The following SLC35B3 variants were observed in gnomAD, a reference collection of about 807,000 sequenced individuals.
SLC35B3 encodes solute carrier family 35 member B3.
Under a neutral mutation model 44.1 loss-of-function variants are expected in SLC35B3, and 35 were observed. That is an observed-to-expected ratio of 0.79 (90% CI 0.61 to 1.05). SLC35B3 has a LOEUF of 1.05. SLC35B3 is among the 50% of genes least tolerant of loss of function. SLC35B3 has a pLI of 0.00. For missense variants in SLC35B3, 414 were observed against 476.4 expected, an observed-to-expected ratio of 0.87 and a Z score of 1.22; for synonymous variants, 146 against 167.3, an observed-to-expected ratio of 0.87 and a Z score of 0.98.
At chr6:8,423,367 C>G (rs944601635) in intron 4 of SLC35B3, among the ~76,000 whole-genome samples, 1 of 151,858 alleles carries the variant, frequency 6.6e-6, no homozygotes, top group African/African-American at 2.4e-5. Context: ...TAGATCATCT[C>G]TCTATATTCT....
chr6:8,421,773 C>T (rs921669523), intron 5 of SLC35B3, among the ~76,000 whole-genome samples: 3 of 152,128 alleles, frequency 2.0e-5, no homozygotes, highest in African/African-American at 7.2e-5. Flanking sequence ...ATGAGAACTG[C>T]CCATGCACAA....
intron 2 of SLC35B3, among the ~76,000 whole-genome samples, chr6:8,431,654 G>T (rs1288294678): frequency 6.6e-6 from 1 of 152,130 alleles, no homozygotes; most frequent in South Asian, 2.1e-4. Context: ...ACTGTCATTT[G>T]TAAGACTTTT....
chr6:8,426,963 T>C (rs760313596), intron 4 of SLC35B3, among the ~76,000 whole-genome samples: 6 of 152,166 alleles, frequency 3.9e-5, no homozygotes, highest in Admixed American at 6.5e-5. Context: ...GTGACTCTTG[T>C]TATGTTTTAG....
chr6:8,422,891 T>C (rs376372515), intron 4 of SLC35B3, among the ~76,000 whole-genome samples: 5 of 149,268 alleles, frequency 3.3e-5, no homozygotes, highest in African/African-American at 1.3e-4. Flanking sequence ...ACTGAAGGTA[T>C]AAATGTTGAC....
chr6:8,435,139 CGAG>C lies in SLC35B3; in HGVS notation c.-44+201_-44+203del, dbSNP rs1188766686. 1 of 1,275,576 alleles carries C rather than the reference CGAG, an allele frequency of 7.8e-7. No homozygotes were observed. Among genetic ancestry groups the C allele is most frequent in the African/African-American group, 1.5e-5 (1 of 65,346 alleles). 79.0% of individuals were successfully genotyped at this position (1,275,576 alleles called of 1,614,324 possible). On this transcript the variant is annotated intron_variant, in intron 1 of 10. Coordinates refer to ENST00000644923, the MANE Select transcript of SLC35B3 (RefSeq NM_001370476.2). The surrounding 1 kb of genome is among the most constrained non-coding windows in gnomAD (Gnocchi z 5.5). ...CGCCAGCCCGAGGGCGAAAAACGGG[CGAG>C]GAGGAACAGATGCTCCTCCCTGGAA...
intron 7 of SLC35B3, among the ~76,000 whole-genome samples, chr6:8,417,971 C>T (rs1381159935): frequency 1.3e-5 from 2 of 152,234 alleles, no homozygotes; most frequent in East Asian, 1.9e-4. Context: ...TTTTCATAAA[C>T]AGAATCAGCA....
chr6:8,435,451 C>T lies in SLC35B3; in HGVS notation c.-152G>A, dbSNP rs938750665. Reference sequence around the variant, plus strand: ...CCGTCGCCATCACCTCCTCTTCCTCCTCCTCCTCGCCCACTCCTGCACTTT... The same window carrying T: ...CCGTCGCCATCACCTCCTCTTCCTCTTCCTCCTCGCCCACTCCTGCACTTT... On this transcript the variant is annotated 5_prime_UTR_variant, in exon 1 of 11. Transcript: ENST00000644923. This position sits in a 1 kb window ranked among gnomAD's most constrained non-coding sequence, Gnocchi z 5.5. 1 of 1,203,138 alleles carries T rather than the reference C, an allele frequency of 8.3e-7. No homozygotes were observed. The highest frequency in any genetic ancestry group is 1.3e-5 in the South Asian group (1 of 79,040). The allele number at this position is 1,203,138 out of a possible 1,614,324, so 74.5% of individuals were successfully genotyped here.
intron 4 of SLC35B3, among the ~76,000 whole-genome samples, chr6:8,425,599 A>G (rs902551747): frequency 2.0e-5 from 3 of 152,082 alleles, no homozygotes; most frequent in African/African-American, 7.2e-5. Context: ...GCAAAATTAG[A>G]CCCATGAAGA....
rs1762105898 is a variant in SLC35B3, at chr6:8,412,942, G to A, written c.*607C>T. The A allele has an allele frequency of 6.6e-6, 1 of 152,112 alleles. No homozygotes were observed. The highest frequency in any genetic ancestry group is 1.5e-5 in the Non-Finnish European group (1 of 68,028). 9.4% of individuals were successfully genotyped at this position (152,112 alleles called of 1,614,324 possible). On this transcript the variant is annotated 3_prime_UTR_variant, in exon 11 of 11. Coordinates refer to ENST00000644923, the MANE Select transcript of SLC35B3 (RefSeq NM_001370476.2). ...ACGGACTGGTACCAGTCCACGGCCT[G>A]GGTGGTTGGGAGCTCCTGCTCTAAA... is the stretch of plus-strand genomic sequence containing the variant.
rs904399051 is a variant in SLC35B3 at position 8,424,222 on chromosome 6, T to C, written c.420-1598A>G. 5.9e-5 allele frequency among the ~76,000 whole-genome samples: 9 copies of C among 152,356 alleles called. 1 individual carries two copies. In the South Asian group the frequency reaches 1.9e-3, roughly 32 times the overall value. Reference sequence around the variant, plus strand: ...TACTCACTATTTCTATTTTATTTAATACATCAATTGCTTGCTTCCTTAGAA... The same window carrying C: ...TACTCACTATTTCTATTTTATTTAACACATCAATTGCTTGCTTCCTTAGAA... On this transcript the variant is annotated intron_variant, in intron 4 of 10. Transcript: ENST00000644923.
intron 3 of SLC35B3, among the ~76,000 whole-genome samples, chr6:8,429,222 GC>G (rs1358544030): frequency 2.0e-5 from 3 of 152,082 alleles, no homozygotes; most frequent in African/African-American, 7.2e-5. Flanking sequence ...CACCCATCCA[GC>G]CCATGTCTTT....
rs141131538 is a variant in SLC35B3, at chr6:8,427,261, A to T, written c.419+676T>A. 3.0e-3 allele frequency among the ~76,000 whole-genome samples: 460 copies of T among 152,246 alleles called. 1 individual carries two copies. The highest frequency in any genetic ancestry group is 0.01 in the African/African-American group (420 of 41,544). ...TGTTAATCCCCAAGACAATGGGGAA[A>T]ATGTCTCTAGAGCATGTCATGGGTC... On this transcript the variant is annotated intron_variant, in intron 4 of 10. Transcript: ENST00000644923.
In SLC35B3 at chr6:8,412,046, C is replaced by A. The variant is rs1025595443; in HGVS notation, c.*1503G>T. Among the ~76,000 whole-genome samples the A allele has an allele frequency of 1.3e-5, 2 of 151,992 alleles. No individual in the cohort carries two copies. The highest frequency in any genetic ancestry group is 4.8e-5 in the African/African-American group (2 of 41,390). ...AAAGTGATTGTATTAAGTGGTGGGG[C>A]CTTTTGGGAGGTGATAAGGTCATGA... On this transcript the variant is annotated 3_prime_UTR_variant, in exon 11 of 11. Transcript: ENST00000644923.
At chr6:8,421,068 A>C (rs1287157055) in intron 5 of SLC35B3, among the ~76,000 whole-genome samples, 1 of 152,206 alleles carries the variant, frequency 6.6e-6, no homozygotes, top group Admixed American at 6.5e-5. Flanking sequence ...TGACACTAAA[A>C]TACATACTTT....
rs542401192 is a variant in SLC35B3, at chr6:8,435,122, C to A, written c.-44+221G>T. 6 of 1,263,900 alleles carry A rather than the reference C, an allele frequency of 4.7e-6. No homozygotes were observed. The highest frequency in any genetic ancestry group is 6.1e-6 in the Non-Finnish European group (6 of 976,394). 78.3% of individuals were successfully genotyped at this position (1,263,900 alleles called of 1,614,324 possible). On this transcript the variant is annotated intron_variant, in intron 1 of 10. Transcript: ENST00000644923. This position sits in a 1 kb window ranked among gnomAD's most constrained non-coding sequence, Gnocchi z 5.5. ...GGACCTGAGGGAGTTCTCGCCAGCC[C>A]GAGGGCGAAAAACGGGCGAGGAGGA... is the stretch of plus-strand genomic sequence containing the variant.
intron 4 of SLC35B3, among the ~76,000 whole-genome samples, chr6:8,424,806 TG>T (rs1395706205): frequency 6.6e-6 from 1 of 152,168 alleles, no homozygotes; most frequent in Non-Finnish European, 1.5e-5. Flanking sequence ...AAGACCCAAG[TG>T]CCAAGACCCA....
At chr6:8,429,515 C>T (rs1050240325) in intron 3 of SLC35B3, among the ~76,000 whole-genome samples, 1 of 152,036 alleles carries the variant, frequency 6.6e-6, no homozygotes, top group African/African-American at 2.4e-5. Flanking sequence ...TATTGAGCTC[C>T]AAGAATCAAG....
chr6:8,414,875 CTG>C (rs771491821), intron 10 of SLC35B3, 31 bp downstream of exon 9: 6 of 1,324,388 alleles, frequency 4.5e-6, no homozygotes, highest in South Asian at 4.3e-5. Context: ...TATCTAAAAA[CTG>C]AGAAAAATTG....
intron 7 of SLC35B3, 131 bp from the exon 7 acceptor site, chr6:8,417,625 G>A (rs1049765021): frequency 3.8e-6 from 2 of 530,358 alleles, no homozygotes; most frequent in South Asian, 6.3e-5. Flanking sequence ...ATTTCAATAT[G>A]GCCTAAATTT....
Sources: gnomAD v4.1 joint callset for allele counts (sites outside exome capture counted in the v4.1 genomes callset) on GRCh38, gnomAD v4.1.1 for gene constraint, Gnocchi (gnomAD v3.1) non-coding constraint, MANE v1.5 for transcripts, NCBI Gene and HGNC (gene_info 2026-07-23, HGNC 2026-07-21) for gene names.